The following UQCRC2 variants were observed in gnomAD, a reference collection of about 807,000 sequenced individuals.
UQCRC2 encodes the protein cytochrome b-c1 complex subunit 2, mitochondrial.
In UQCRC2, 49 loss-of-function variants were observed where a neutral mutation model predicts 55.6. The ratio of observed to expected loss-of-function variants is 0.88; its 90% CI spans 0.70 to 1.12. The LOEUF (loss-of-function observed/expected upper bound fraction) is 1.12. UQCRC2 is among the 50% of genes most tolerant of loss of function. UQCRC2 has a pLI of 0.00. For missense variants in UQCRC2, 506 were observed against 547.8 expected (o/e 0.92, Z 0.76); for synonymous variants, 193 against 192.0 (o/e 1.01, Z -0.04).
chr16:21,971,838 T>C lies in UQCRC2; in HGVS notation c.767-85T>C. The C allele has an allele frequency of 1.9e-6, 3 of 1,578,762 alleles. No homozygotes were observed. The South Asian group carries it at 3.3e-5, about 18-fold the overall frequency. On this transcript the variant is annotated intron_variant, in intron 9 of 13. Coordinates refer to ENST00000268379, the MANE Select transcript of UQCRC2 (RefSeq NM_003366.4). ...GCTGCAGAAAAGACTCGTGGGTTAA[T>C]ACTGTGTTGTAGGAAATACTGGAGA...
At position 21,962,974 on chromosome 16, in the gene UQCRC2, T is replaced by G. The variant is rs372619703; in HGVS notation, c.514+89T>G. 4.9e-5 allele frequency: 67 copies of G among 1,362,780 alleles called. No individual in the cohort carries two copies. In the African/African-American group the frequency reaches 9.3e-4, roughly 19 times the overall value. 84.4% of individuals were successfully genotyped at this position (1,362,780 alleles called of 1,614,324 possible). On this transcript the variant is annotated intron_variant, in intron 6 of 13. Coordinates refer to ENST00000268379, the MANE Select transcript of UQCRC2 (RefSeq NM_003366.4). ...AGAAGAAAAAAAATTGCTGTCAAAATTTTTATTTTTATTTTTATTTATTTA... is the reference window on the plus strand; with the variant it reads ...AGAAGAAAAAAAATTGCTGTCAAAAGTTTTATTTTTATTTTTATTTATTTA...
intron 13 of UQCRC2, 115 bp from the exon 14 acceptor site, chr16:21,982,963 CAAAAAAAAAA>C (rs1036084484): frequency 7.4e-6 from 4 of 537,720 alleles, no homozygotes; most frequent in Admixed American, 4.4e-5. Context: ...GACTCCACCT[CAAAAAAAAAA>C]AAAAAAAAAA....
At chr16:21,964,692 C>CACT (rs1898284018) in intron 6 of UQCRC2, among the ~76,000 whole-genome samples, 1 of 152,164 alleles carries the variant, frequency 6.6e-6, no homozygotes, top group Non-Finnish European at 1.5e-5. Flanking sequence ...TTCCAATTCC[C>CACT]ACTGCCCTTG....
At chr16:21,974,303 A>G (rs1243234651) in intron 11 of UQCRC2, among the ~76,000 whole-genome samples, 1 of 152,018 alleles carries the variant, frequency 6.6e-6, no homozygotes, top group Non-Finnish European at 1.5e-5. Flanking sequence ...CAGTGTAGAG[A>G]TTGTGTTGAA....
chr16:21,964,609 C>T (rs942725550), intron 6 of UQCRC2, among the ~76,000 whole-genome samples: 14 of 152,070 alleles, frequency 9.2e-5, no homozygotes, highest in African/African-American at 3.4e-4. Flanking sequence ...AATGCTGTTC[C>T]CAAATGATTT....
chr16:21,976,153 C>T lies in UQCRC2; in HGVS notation c.1048-14C>T. The T allele has an allele frequency of 6.2e-7, 1 of 1,610,818 alleles. No homozygotes were observed. Among genetic ancestry groups the T allele is most frequent in the Non-Finnish European group, 8.5e-7 (1 of 1,177,240 alleles). On this transcript the variant is annotated splice_polypyrimidine_tract_variant and intron_variant, in intron 11 of 13. Coordinates refer to ENST00000268379, the MANE Select transcript of UQCRC2 (RefSeq NM_003366.4). ...TACTGACCACAGATGACCAACTTTTCTTATCTGTCCTAGGTTATCAAGGCT... is the reference window on the plus strand; with the variant it reads ...TACTGACCACAGATGACCAACTTTTTTTATCTGTCCTAGGTTATCAAGGCT...
At chr16:21,967,928 C>G (rs189495192) in intron 7 of UQCRC2, among the ~76,000 whole-genome samples, 3 of 151,658 alleles carry the variant, frequency 2.0e-5, no homozygotes, top group Admixed American at 6.6e-5. Flanking sequence ...ACTACGTAAG[C>G]TACATTATAA....
chr16:21,965,809 G>A (rs1898310926), intron 7 of UQCRC2, among the ~76,000 whole-genome samples: 2 of 152,088 alleles, frequency 1.3e-5, no homozygotes, highest in Admixed American at 1.3e-4. Context: ...TTAATACCTG[G>A]TATATTTTCT....
chr16:21,953,396 T>G lies in UQCRC2; in HGVS notation c.-28T>G. The G allele has an allele frequency of 6.2e-7, 1 of 1,611,926 alleles. No individual in the cohort carries two copies. The highest frequency in any genetic ancestry group is 8.5e-7 in the Non-Finnish European group (1 of 1,179,244). On this transcript the variant is annotated 5_prime_UTR_variant, in exon 1 of 14. Coordinates refer to ENST00000268379, the MANE Select transcript of UQCRC2 (RefSeq NM_003366.4). ...ATCTTGCTTTCCTTTAATCCGGCAG[T>G]GACCGTGTGTCAGAACAATCTTGAA...
chr16:21,971,884 G>C, intron 9 of UQCRC2, 39 bp from the exon 10 acceptor site: 3 of 1,609,932 alleles, frequency 1.9e-6, no homozygotes, highest in Non-Finnish European at 2.5e-6. Flanking sequence ...TGGTGAACAA[G>C]CCATTTTCTT....
At position 21,983,421 on chromosome 16, in the gene UQCRC2, G is replaced by A; in HGVS notation, c.*250G>A. 2.2e-6 allele frequency: 1 copy of A among 455,260 alleles called. No individual in the cohort carries two copies. The highest frequency in any genetic ancestry group is 3.8e-6 in the Non-Finnish European group (1 of 261,096). The allele number at this position is 455,260 out of a possible 1,614,324, so 28.2% of individuals were successfully genotyped here. A position where few individuals can be genotyped will look rare whatever the true frequency, so the allele number is the denominator to read the frequency against. ...ATGTGCTGATATCTTTGTTTTAGAT[G>A]CTTTAAAGGAGACAGGAATATAATT... is the stretch of plus-strand genomic sequence containing the variant. On this transcript the variant is annotated 3_prime_UTR_variant, in exon 14 of 14. Coordinates refer to ENST00000268379, the MANE Select transcript of UQCRC2 (RefSeq NM_003366.4).
intron 4 of UQCRC2, chr16:21,961,347 C>T (rs1481367041): frequency 2.2e-6 from 1 of 447,020 alleles, no homozygotes. Context: ...TAAAGTATGA[C>T]AGAGTCATGA....
chr16:21,958,673 A>T, intron 4 of UQCRC2, 74 bp downstream of exon 4: 1 of 1,319,310 alleles, frequency 7.6e-7, no homozygotes, highest in East Asian at 2.4e-5. Context: ...TTTCTCTGTT[A>T]TCAAGGAGGT....
chr16:21,962,239 C>A (rs1175269436), intron 4 of UQCRC2: 2 of 557,916 alleles, frequency 3.6e-6, no homozygotes, highest in Admixed American at 6.1e-5. Context: ...TGTGTTGTAA[C>A]ATGTGACCAG....
In UQCRC2 at chr16:21,962,797, A is replaced by G. The variant is rs764756679; in HGVS notation, c.426A>G (p.Thr142=). ...TGGAGTTCCTGCTCAATGTCACCAC[A>G]GCACCAGAATTTCGTCGTTGGGAAG... ...ILMEFLLNVT[T]APEFRRWEVA... Residue 142 remains threonine (T), a synonymous_variant, in exon 6 of 14, where the codon ACA becomes ACG. Coordinates refer to ENST00000268379, the MANE Select transcript of UQCRC2 (RefSeq NM_003366.4). 2 of 1,614,202 alleles carry G rather than the reference A, an allele frequency of 1.2e-6. No individual in the cohort carries two copies. The highest frequency in any genetic ancestry group is 2.2e-5 in the South Asian group (2 of 91,082).
chr16:21,979,456 T>C (rs1898663069), intron 12 of UQCRC2, among the ~76,000 whole-genome samples: 1 of 152,214 alleles, frequency 6.6e-6, no homozygotes, highest in Non-Finnish European at 1.5e-5. Flanking sequence ...TATAGCCTAC[T>C]ACACACATGG....
intron 8 of UQCRC2, among the ~76,000 whole-genome samples, chr16:21,969,854 C>T (rs1319613488): frequency 6.6e-6 from 1 of 151,842 alleles, no homozygotes; most frequent in Non-Finnish European, 1.5e-5. Context: ...CTGTGGCATC[C>T]ACTAATCTAC....
rs536370047 is a variant in UQCRC2 at position 21,972,381 on chromosome 16, G to A, written c.966+259G>A. Among the ~76,000 whole-genome samples, 649 of 152,246 alleles carry A rather than the reference G, an allele frequency of 4.3e-3. 3 individuals carry two copies. The highest frequency in any genetic ancestry group is 7.9e-3 in the Non-Finnish European group (536 of 68,018). ...AGAAATAAAGGGAATCCACACATCC[G>A]TTCCCTTTAGAATAAAGTTGTAGAT... On this transcript the variant is annotated intron_variant, in intron 10 of 13. Transcript: ENST00000268379.
At position 21,972,084 on chromosome 16, in the gene UQCRC2, C is replaced by T. The variant is rs770716563; in HGVS notation, c.928C>T (p.His310Tyr). Residue 310 changes from histidine (H) to tyrosine (Y), a missense_variant, in exon 10 of 14, where the codon CAC becomes TAC. By Grantham distance (83) the His-to-Tyr change is moderately conservative. Transcript: ENST00000268379. Reference sequence around the variant, plus strand: ...GGGCAGCAACACCACCAGCCATCTGCACCAGGCTGTTGCCAAGGCAACTCA... The same window carrying T: ...GGGCAGCAACACCACCAGCCATCTGTACCAGGCTGTTGCCAAGGCAACTCA... ...KRGSNTTSHL[H>Y]QAVAKATQQP... is the part of the protein sequence containing the mutation. 1 of 1,614,046 alleles carries T rather than the reference C, an allele frequency of 6.2e-7. No homozygotes were observed. The highest frequency in any genetic ancestry group is 1.1e-5 in the South Asian group (1 of 91,082).
Sources: gnomAD v4.1 joint callset for allele counts (sites outside exome capture counted in the v4.1 genomes callset) on GRCh38, gnomAD v4.1.1 for gene constraint, MANE v1.5 for transcripts, NCBI Gene and HGNC (gene_info 2026-07-23, HGNC 2026-07-21) for gene names.